The following ZDHHC24 variants were observed in gnomAD, a reference collection of about 807,000 sequenced individuals.
ZDHHC24 encodes zDHHC palmitoyltransferase 24, also known as probable palmitoyltransferase ZDHHC24.
A neutral mutation model predicts 23.2 loss-of-function variants in ZDHHC24; 17 were observed. The observed-to-expected ratio is 0.73, with a 90% CI of 0.50 to 1.10. ZDHHC24 has a LOEUF of 1.10. Ranked by LOEUF, ZDHHC24 falls within the 50% of genes least tolerant of loss-of-function variation. The pLI is 0.00. For synonymous variants in ZDHHC24, 186 were observed against 194.5 expected (o/e 0.96, Z 0.36); for missense variants, 366 against 393.0 (o/e 0.93, Z 0.58).
In ZDHHC24 at chr11:66,521,341, G is replaced by A. The variant is rs550508776; in HGVS notation, c.*147C>T. 8.7e-6 allele frequency: 14 copies of A among 1,614,068 alleles called. No individual in the cohort carries two copies. Among genetic ancestry groups the A allele is most frequent in the East Asian group, 6.7e-5 (3 of 44,900 alleles). On this transcript the variant is annotated 3_prime_UTR_variant, in exon 5 of 5. Coordinates refer to the ZDHHC24 transcript ENST00000526986. ...TTGATGTTGAGTTCCGGCTTGCCGC[G>A]GCCTGCCGCAATGGAAACATCTATA...
chr11:66,528,728 G>A (rs1856623030), intron 3 of ZDHHC24, among the ~76,000 whole-genome samples: 1 of 152,024 alleles, frequency 6.6e-6, no homozygotes, highest in African/African-American at 2.4e-5. Context: ...CAGCACTTTG[G>A]GAGGCCGAGG....
chr11:66,521,226 G>C (rs762622519), exon 5 of ZDHHC24: 2 of 1,482,582 alleles, frequency 1.3e-6, no homozygotes, highest in South Asian at 1.1e-5. Flanking sequence ...AGGGAGGGAC[G>C]GGGGCTCCAG....
At chr11:66,531,847 G>T (rs930334914), downstream of ZDHHC24, 4 of 1,603,794 alleles carry the variant, frequency 2.5e-6, no homozygotes, top group South Asian at 4.4e-5. Context: ...TGGGGGTGGG[G>T]GTATCTGCAC....
At chr11:66,524,062 C>G (rs1856375749) in intron 4 of ZDHHC24, 1 of 873,198 alleles carries the variant, frequency 1.1e-6, no homozygotes, top group Middle Eastern at 2.3e-4. Flanking sequence ...GGCAGATCAC[C>G]TGAGGTAAGG....
Position 66,521,448 on chromosome 11 carries a change from A to G in ZDHHC24, c.*40T>C, listed in dbSNP as rs2134785377. 1.7e-6 allele frequency: 2 copies of G among 1,197,182 alleles called. No homozygotes were observed. Among genetic ancestry groups the G allele is most frequent in the Admixed American group, 1.7e-5 (1 of 57,512 alleles). 74.2% of individuals were successfully genotyped at this position (1,197,182 alleles called of 1,614,324 possible). On this transcript the variant is annotated 3_prime_UTR_variant, in exon 5 of 5. Coordinates refer to the ZDHHC24 transcript ENST00000526986. Reference sequence around the variant, plus strand: ...ACTGGTGGCTTCAGAGGCTTGCAAGATGAGAGTGGGCTTTAAGGCTGGAAT... The same window carrying G: ...ACTGGTGGCTTCAGAGGCTTGCAAGGTGAGAGTGGGCTTTAAGGCTGGAAT...
intron 2 of ZDHHC24, among the ~76,000 whole-genome samples, chr11:66,540,573 C>T (rs1405042987): frequency 6.6e-6 from 1 of 151,722 alleles, no homozygotes; most frequent in Non-Finnish European, 1.5e-5. Flanking sequence ...ACTAAAAATA[C>T]AAAAATTAAC....
intron 4 of ZDHHC24, chr11:66,523,217 AC>A: frequency 1.6e-6 from 1 of 644,318 alleles, no homozygotes; most frequent in Non-Finnish European, 2.9e-6. Context: ...AAGACAAGAC[AC>A]CATAGTGAAG....
chr11:66,523,609 G>C (rs374822711), intron 4 of ZDHHC24: 1 of 1,613,634 alleles, frequency 6.2e-7, no homozygotes, highest in East Asian at 2.2e-5. Context: ...GCCCCTCCAC[G>C]CCTATGTCCC....
chr11:66,541,794 G>A (rs956016688), intron 2 of ZDHHC24, among the ~76,000 whole-genome samples: 4 of 152,066 alleles, frequency 2.6e-5, no homozygotes, highest in Non-Finnish European at 4.4e-5. Flanking sequence ...AGCAAGAAAG[G>A]GTCCTGGAGT....
At chr11:66,532,661 C>T (rs1856834378), downstream of ZDHHC24, 1 of 153,314 alleles carries the variant, frequency 6.5e-6, no homozygotes, top group Admixed American at 6.5e-5. Context: ...TACGATGCCA[C>T]ACAAAGGTTG....
At position 66,545,915 on chromosome 11, in the gene ZDHHC24, C is replaced by T. The variant is rs1166592247; in HGVS notation, c.89G>A (p.Gly30Asp). Residue 30 changes from glycine (G) to aspartate (D), a missense_variant, in exon 1 of 3, where the codon GGC becomes GAC. Gly to Asp is a moderately conservative substitution (Grantham distance 94). Transcript: ENST00000310442. This position sits in a 1 kb window ranked among gnomAD's most constrained non-coding sequence, Gnocchi z 4.5. ...VLTALWAAAV[G>D]LELAYVLVLG... ...CACCAGCACGTAAGCCAGCTCCAGG[C>T]CCACGGCCGCGGCCCACAGCGCGGT... is the stretch of plus-strand genomic sequence containing the variant. 2 of 1,523,848 alleles carry T rather than the reference C, an allele frequency of 1.3e-6. No individual in the cohort carries two copies. The highest frequency in any genetic ancestry group is 2.2e-4 in the Middle Eastern group (1 of 4,592). 94.4% of individuals were successfully genotyped at this position (1,523,848 alleles called of 1,614,324 possible).
In ZDHHC24 at chr11:66,539,859, C is replaced by T. The variant is rs549728738; in HGVS notation, c.560-35G>A. Reference sequence around the variant, plus strand: ...AAGAGCAGAGAGGGTCAGGGAGGGGCAGTGGGGTCCGGCTTTCCTGCCACC... The same window carrying T: ...AAGAGCAGAGAGGGTCAGGGAGGGGTAGTGGGGTCCGGCTTTCCTGCCACC... On this transcript the variant is annotated intron_variant, in intron 2 of 2. Transcript: ENST00000310442. 2.0e-6 allele frequency: 3 copies of T among 1,517,280 alleles called. No homozygotes were observed. The Admixed American group carries it at 6.2e-5, about 32-fold the overall frequency. The allele number at this position is 1,517,280 out of a possible 1,614,324, so 94.0% of individuals were successfully genotyped here. A position where few individuals can be genotyped will look rare whatever the true frequency, so the allele number is the denominator to read the frequency against.
chr11:66,544,745 C>T (rs1313110017), intron 1 of ZDHHC24, among the ~76,000 whole-genome samples: 4 of 152,164 alleles, frequency 2.6e-5, no homozygotes, highest in Non-Finnish European at 5.9e-5. Flanking sequence ...GACAGAGTCT[C>T]GCTACATTAC....
intron 2 of ZDHHC24, 30 bp from the exon 3 acceptor site, chr11:66,539,854 A>ATAC: frequency 6.5e-7 from 1 of 1,544,954 alleles, no homozygotes; most frequent in Admixed American, 1.9e-5. Flanking sequence ...AGGGTCAGGG[A>ATAC]GGGGCAGTGG....
chr11:66,523,950 G>T (rs371749529), intron 4 of ZDHHC24: 1 of 1,597,668 alleles, frequency 6.3e-7, no homozygotes, highest in Non-Finnish European at 8.5e-7. Flanking sequence ...GGGCTTCTTA[G>T]CTGCCTCTTC....
chr11:66,539,847 G>T, intron 2 of ZDHHC24, 23 bp from the exon 3 acceptor site: 3 of 1,558,350 alleles, frequency 1.9e-6, no homozygotes, highest in Non-Finnish European at 2.6e-6. Flanking sequence ...AGCAGAGAGG[G>T]TCAGGGAGGG....
intron 4 of ZDHHC24, chr11:66,524,343 G>A: frequency 3.7e-6 from 1 of 266,824 alleles, no homozygotes; most frequent in South Asian, 3.9e-5. Flanking sequence ...AGGGGTGGGG[G>A]GTAAAATGAT....
In ZDHHC24 at chr11:66,538,440, G is replaced by A. The variant is rs1234194201; in HGVS notation, c.*1089C>T. 2 of 151,332 alleles carry A rather than the reference G, an allele frequency of 1.3e-5. No individual in the cohort carries two copies. Among genetic ancestry groups the A allele is most frequent in the Admixed American group, 1.3e-4 (2 of 15,190 alleles). The allele number at this position is 151,332 out of a possible 1,614,324, so 9.4% of individuals were successfully genotyped here. Reference sequence around the variant, plus strand: ...AAATCAGCCGGGCATAGTGGCGGGTGTCTGTAATCCCAGCAACTCGGGAGG... The same window carrying A: ...AAATCAGCCGGGCATAGTGGCGGGTATCTGTAATCCCAGCAACTCGGGAGG... On this transcript the variant is annotated 3_prime_UTR_variant, in exon 3 of 3. Coordinates refer to ENST00000310442, the MANE Select transcript of ZDHHC24 (RefSeq NM_207340.3).
chr11:66,539,434 G>A lies in ZDHHC24; in HGVS notation c.*95C>T, dbSNP rs3180063. The stretch of plus-strand genomic sequence containing the variant: ...GGAAGGGGTGGAGTTGTCCAATGCA[G>A]ATGTTAAGGTCCAACCCGACTTCCT... On this transcript the variant is annotated 3_prime_UTR_variant, in exon 3 of 3. Coordinates refer to ENST00000310442, the MANE Select transcript of ZDHHC24 (RefSeq NM_207340.3). The A allele has an allele frequency of 7.0e-7, 1 of 1,421,650 alleles. No individual in the cohort carries two copies. Among genetic ancestry groups the A allele is most frequent in the South Asian group, 1.6e-5 (1 of 64,202 alleles). The allele number at this position is 1,421,650 out of a possible 1,614,324, so 88.1% of individuals were successfully genotyped here.
Sources: gnomAD v4.1 joint callset for allele counts (sites outside exome capture counted in the v4.1 genomes callset) on GRCh38, gnomAD v4.1.1 for gene constraint, Gnocchi (gnomAD v3.1) non-coding constraint, MANE v1.5 for transcripts, NCBI Gene and HGNC (gene_info 2026-07-23, HGNC 2026-07-21) for gene names.